PCDH15: variants seen among roughly 807,000 people sequenced by gnomAD.
The protein encoded by PCDH15 is protocadherin-15.
Under a neutral mutation model 178.5 loss-of-function variants are expected in PCDH15, and 129 were observed. The ratio of observed to expected loss-of-function variants is 0.72; its 90% CI spans 0.63 to 0.84. The LOEUF (loss-of-function observed/expected upper bound fraction) is 0.84. PCDH15 is among the 40% of genes least tolerant of loss of function. The pLI, the probability that PCDH15 is intolerant of heterozygous loss-of-function variation, is 0.00. For synonymous variants in PCDH15, 800 were observed against 732.0 expected (o/e 1.09, Z -1.50); for missense variants, 2,230 against 2,099.9 (o/e 1.06, Z -1.21).
chr10:53,822,192 C>T, intron 32 of PCDH15: 2 of 1,613,936 alleles, frequency 1.2e-6, no homozygotes, highest in Non-Finnish European at 1.7e-6. Context: ...GCATTTAACA[C>T]CTGTTATACA....
intron 2 of PCDH15, among the ~76,000 whole-genome samples, chr10:54,940,895 A>G (rs766127053): frequency 6.6e-6 from 1 of 151,940 alleles, no homozygotes; most frequent in Non-Finnish European, 1.5e-5. Flanking sequence ...TTTTCCACCT[A>G]TTTGAATCTT....
intron 32 of PCDH15, chr10:53,821,282 C>T (rs1026324972): frequency 1.9e-5 from 19 of 984,508 alleles, no homozygotes; most frequent in Admixed American, 6.0e-5. Context: ...TATCAGAAAA[C>T]AGATGACTAC....
At chr10:54,560,754 C>T (rs1260865608) in intron 2 of PCDH15, among the ~76,000 whole-genome samples, 1 of 151,882 alleles carries the variant, frequency 6.6e-6, no homozygotes, top group East Asian at 1.9e-4. Flanking sequence ...AAGAATATGC[C>T]TTACAAATTT....
intron 3 of PCDH15, among the ~76,000 whole-genome samples, chr10:54,380,085 T>C (rs1948996971): frequency 6.6e-6 from 1 of 152,212 alleles, no homozygotes; most frequent in South Asian, 2.1e-4. Context: ...AATTTAATAA[T>C]AACTATAATT....
At chr10:55,093,389 A>C (rs1842364731) in intron 2 of PCDH15, among the ~76,000 whole-genome samples, 1 of 151,902 alleles carries the variant, frequency 6.6e-6, no homozygotes, top group Non-Finnish European at 1.5e-5. Flanking sequence ...AGCATTCTGG[A>C]TATTAGCCCT....
chr10:54,003,212 G>A (rs1399962839), intron 20 of PCDH15, among the ~76,000 whole-genome samples: 1 of 152,056 alleles, frequency 6.6e-6, no homozygotes, highest in African/African-American at 2.4e-5. Flanking sequence ...AGAAAAGCAA[G>A]AGCAGGCTGA....
intron 2 of PCDH15, among the ~76,000 whole-genome samples, chr10:54,956,693 T>G (rs1232596678): frequency 6.6e-6 from 1 of 151,608 alleles, no homozygotes; most frequent in Non-Finnish European, 1.5e-5. Flanking sequence ...ATTCAGCAGT[T>G]ATCCAGGACT....
chr10:54,622,689 T>A (rs2093415573), intron 2 of PCDH15, among the ~76,000 whole-genome samples: 1 of 78,322 alleles, frequency 1.3e-5, no homozygotes, highest in Non-Finnish European at 2.3e-5. Context: ...ATATATTATA[T>A]AATATATATT....
intron 3 of PCDH15, among the ~76,000 whole-genome samples, chr10:54,383,998 T>C (rs1949605763): frequency 6.9e-6 from 1 of 144,040 alleles, no homozygotes; most frequent in Non-Finnish European, 1.5e-5. Flanking sequence ...TTTTTTTTTT[T>C]TTTTTTTTTT....
intron 1 of PCDH15, among the ~76,000 whole-genome samples, chr10:55,190,357 G>T (rs72801693): frequency 1.3e-5 from 2 of 151,086 alleles, no homozygotes; most frequent in East Asian, 1.9e-4. Context: ...TTATCCAGGG[G>T]TATATATATG....
rs181943122 is a variant in PCDH15, at chr10:55,276,677, T to C, written c.-156+42922A>G. 1.7e-3 allele frequency among the ~76,000 whole-genome samples: 265 copies of C among 151,884 alleles called. 1 individual carries two copies. Among genetic ancestry groups the C allele is most frequent in the African/African-American group, 6.3e-3 (261 of 41,450 alleles). ...TTCTTGCATGGTATTTATTATAAAA[T>C]TTACCTAATTTTTGTTTGCCCCATA... On this transcript the variant is annotated intron_variant, in intron 1 of 5. Coordinates refer to the PCDH15 transcript ENST00000458638.
At chr10:55,187,251 A>C (rs984883199) in intron 1 of PCDH15, among the ~76,000 whole-genome samples, 1 of 152,054 alleles carries the variant, frequency 6.6e-6, no homozygotes, top group African/African-American at 2.4e-5. Context: ...ACTATTACAT[A>C]GAGGATAAAC....
intron 2 of PCDH15, chr10:54,600,478 G>C: frequency 1.7e-6 from 1 of 577,952 alleles, no homozygotes; most frequent in Non-Finnish European, 3.4e-6. Flanking sequence ...TGATAAAAAT[G>C]AAGATAAAGT....
At chr10:54,459,563 A>C (rs2136430498) in intron 3 of PCDH15, among the ~76,000 whole-genome samples, 1 of 152,246 alleles carries the variant, frequency 6.6e-6, no homozygotes, top group Non-Finnish European at 1.5e-5. Flanking sequence ...AATTAGTCCC[A>C]TAATGTAAAG....
At chr10:54,301,052 C>T (rs910168863) in intron 8 of PCDH15, among the ~76,000 whole-genome samples, 2 of 152,088 alleles carry the variant, frequency 1.3e-5, no homozygotes, top group African/African-American at 2.4e-5. Context: ...GTCAGCGAGA[C>T]CACGAACCCA....
intron 2 of PCDH15, among the ~76,000 whole-genome samples, chr10:55,559,667 G>GA (rs1372121638): frequency 1.0e-4 from 15 of 150,194 alleles, no homozygotes; most frequent in South Asian, 4.2e-4. Flanking sequence ...ATTCTCACTA[G>GA]AAAAAAAAAT....
chr10:55,142,933 T>TC (rs1407039404), intron 2 of PCDH15, among the ~76,000 whole-genome samples: 1 of 152,132 alleles, frequency 6.6e-6, no homozygotes, highest in African/African-American at 2.4e-5. Context: ...AAGTCTCATT[T>TC]CCAATTGTAA....
intron 2 of PCDH15, among the ~76,000 whole-genome samples, chr10:55,035,792 T>C (rs187789054): frequency 6.6e-6 from 1 of 152,266 alleles, no homozygotes; most frequent in Admixed American, 6.5e-5. Flanking sequence ...TGTGTGATAA[T>C]GTAAACAAAA....
intron 2 of PCDH15, among the ~76,000 whole-genome samples, chr10:54,957,291 G>A (rs1295123512): frequency 6.6e-6 from 1 of 151,496 alleles, no homozygotes; most frequent in Non-Finnish European, 1.5e-5. Context: ...AGGAGGTTAG[G>A]AGAATCCTTC....
Sources: allele counts gnomAD v4.1 joint callset (sites outside exome capture counted in the v4.1 genomes callset), GRCh38; gene constraint gnomAD v4.1.1; transcripts MANE v1.5; gene names NCBI Gene and HGNC (gene_info 2026-07-23, HGNC 2026-07-21).